RSPRY1: variants seen among roughly 807,000 people sequenced by gnomAD.
The protein encoded by RSPRY1 is ring finger and SPRY domain containing 1.
RSPRY1 carries 23 observed loss-of-function variants against 73.1 expected under a neutral mutation model. That is an observed-to-expected ratio of 0.31 (90% confidence interval 0.23 to 0.45). RSPRY1 has a LOEUF of 0.45. Among genes scored for constraint, RSPRY1 ranks in the 20% least tolerant of loss-of-function variants. RSPRY1 has a pLI of 1.00. For synonymous variants in RSPRY1, 226 were observed against 251.4 expected (o/e 0.90, Z 0.95); for missense variants, 448 against 698.7 (o/e 0.64, Z 4.05).
chr16:57,231,035 A>G, intron 12 of RSPRY1, 132 bp from the exon 13 acceptor site: 1 of 857,640 alleles, frequency 1.2e-6, no homozygotes, highest in South Asian at 1.7e-5. Flanking sequence ...TGGGTTATAA[A>G]CACAGTCTGT....
Position 57,220,137 on chromosome 16 carries a change from T to TG in RSPRY1, c.902-592dup, listed in dbSNP as rs1417442922. On this transcript the variant is annotated intron_variant, in intron 8 of 14. Transcript: ENST00000394420. Reference sequence around the variant, plus strand: ...CTGAGGGTCAGGTTTTTTGCTATTCTGGGTCTTTTGTAGTTCTGTATAAAT... The same window carrying TG: ...CTGAGGGTCAGGTTTTTTGCTATTCTGGGGTCTTTTGTAGTTCTGTATAAAT... 6 of 152,234 alleles carry TG rather than the reference T, an allele frequency of 3.9e-5. No homozygotes were observed. In the East Asian group the frequency reaches 1.2e-3, roughly 29 times the overall value. The allele number at this position is 152,234 out of a possible 1,614,324, so 9.4% of individuals were successfully genotyped here. A position where few individuals can be genotyped will look rare whatever the true frequency, so the allele number is the denominator to read the frequency against.
At chr16:57,227,558 T>C (rs539067495) in intron 11 of RSPRY1, 105 bp downstream of exon 11, 1 of 772,522 alleles carries the variant, frequency 1.3e-6, no homozygotes, top group South Asian at 1.5e-5. Context: ...GAAGATCAAA[T>C]GTGAAAAGGG....
chr16:57,197,253 A>G lies in RSPRY1; in HGVS notation c.-155-7251A>G, dbSNP rs557671932. Among the ~76,000 whole-genome samples, 3 of 152,300 alleles carry G rather than the reference A, an allele frequency of 2.0e-5. No homozygotes were observed. The South Asian group carries it at 6.2e-4, about 32-fold the overall frequency. ...AATACCATGAATGACAGCCATTTCC[A>G]GTTTAAAACCTATAGGTTTTCAGTG... is the stretch of plus-strand genomic sequence containing the variant. On this transcript the variant is annotated intron_variant, in intron 1 of 14. Transcript: ENST00000394420.
intron 1 of RSPRY1, among the ~76,000 whole-genome samples, chr16:57,204,235 T>C (rs1299676994): frequency 6.6e-6 from 1 of 152,114 alleles, no homozygotes; most frequent in Non-Finnish European, 1.5e-5. Context: ...AAACTATACA[T>C]GTGGTTTTAA....
At chr16:57,209,309 T>C (rs2074789221) in intron 4 of RSPRY1, 122 bp downstream of exon 4, 4 of 633,370 alleles carry the variant, frequency 6.3e-6, no homozygotes, top group Admixed American at 2.9e-5. Context: ...TTTTATTCAG[T>C]ATTGATTTTG....
Position 57,231,129 on chromosome 16 carries a change from A to T in RSPRY1, c.1377-38A>T, listed in dbSNP as rs1301817715. The T allele has an allele frequency of 2.5e-6, 4 of 1,580,194 alleles. No homozygotes were observed. The Admixed American group carries it at 5.5e-5, about 22-fold the overall frequency. On this transcript the variant is annotated intron_variant, in intron 12 of 14. Transcript: ENST00000394420. ...ATCTATTAACTCTATTTTGATTTTT[A>T]TTAATTCTATTGGCCTCTGTACTCA...
chr16:57,200,706 G>A (rs2074562778), intron 1 of RSPRY1, among the ~76,000 whole-genome samples: 1 of 136,138 alleles, frequency 7.3e-6, no homozygotes. Context: ...TGGCCGGGCA[G>A]AGGGGCTCCT....
Position 57,204,575 on chromosome 16 carries a change from A to G in RSPRY1, c.-84A>G, listed in dbSNP as rs546000445. ...AATAAGCTCTGCAACTTTCTTTGGCATTCAGTTGTTAAAAACAAATAGGAT... is the reference window on the plus strand; with the variant it reads ...AATAAGCTCTGCAACTTTCTTTGGCGTTCAGTTGTTAAAAACAAATAGGAT... On this transcript the variant is annotated 5_prime_UTR_variant, in exon 2 of 15. Coordinates refer to ENST00000394420, the MANE Select transcript of RSPRY1 (RefSeq NM_133368.3). 3 of 1,240,200 alleles carry G rather than the reference A, an allele frequency of 2.4e-6. No individual in the cohort carries two copies. The highest frequency in any genetic ancestry group is 1.3e-5 in the South Asian group (1 of 74,782). 76.8% of individuals were successfully genotyped at this position (1,240,200 alleles called of 1,614,324 possible).
intron 14 of RSPRY1, among the ~76,000 whole-genome samples, chr16:57,238,143 T>C (rs191037859): frequency 6.6e-6 from 1 of 152,206 alleles, no homozygotes; most frequent in East Asian, 1.9e-4. Context: ...ATGTAGAGCG[T>C]ATATGAAGAA....
At chr16:57,206,727 T>C (rs1216236324) in intron 2 of RSPRY1, among the ~76,000 whole-genome samples, 1 of 152,140 alleles carries the variant, frequency 6.6e-6, no homozygotes, top group Non-Finnish European at 1.5e-5. Context: ...TGCACCTGGC[T>C]AATTTTTAAA....
At chr16:57,234,541 G>A (rs761334880) in intron 13 of RSPRY1, among the ~76,000 whole-genome samples, 11 of 152,180 alleles carry the variant, frequency 7.2e-5, no homozygotes, top group Admixed American at 2.0e-4. Context: ...CAGTAAGCCC[G>A]TAAGTGAACT....
chr16:57,219,500 A>G (rs370148194), intron 8 of RSPRY1, among the ~76,000 whole-genome samples: 2 of 152,136 alleles, frequency 1.3e-5, no homozygotes, highest in South Asian at 4.1e-4. Context: ...CCACTTTTTA[A>G]TCAGATTATT....
At chr16:57,205,501 T>TA (rs1225502462) in intron 2 of RSPRY1, among the ~76,000 whole-genome samples, 1 of 152,244 alleles carries the variant, frequency 6.6e-6, no homozygotes, top group East Asian at 1.9e-4. Flanking sequence ...TGACTATCTT[T>TA]AATCCATTTA....
At chr16:57,222,966 G>A (rs2075062914) in intron 10 of RSPRY1, among the ~76,000 whole-genome samples, 1 of 151,948 alleles carries the variant, frequency 6.6e-6, no homozygotes, top group African/African-American at 2.4e-5. Flanking sequence ...GCAGACCTTT[G>A]GCTTGTCAAG....
intron 6 of RSPRY1, among the ~76,000 whole-genome samples, chr16:57,214,722 A>C (rs571197079): frequency 1.1e-4 from 17 of 152,364 alleles, no homozygotes; most frequent in Admixed American, 1.0e-3. Flanking sequence ...TCATGGGAGA[A>C]AGTACTTCAT....
chr16:57,239,038 A>AT lies in RSPRY1; in HGVS notation c.*63_*64insT. On this transcript the variant is annotated 3_prime_UTR_variant, in exon 15 of 15. Transcript: ENST00000394420. ...ATTCCAGCCAATGTTGAAAAGAAAA[A>AT]GAAAAAAAAAACTCTCTAATCAGTT... The AT allele has an allele frequency of 2.2e-6, 2 of 889,570 alleles. No homozygotes were observed. The highest frequency in any genetic ancestry group is 1.7e-5 in the African/African-American group (1 of 58,488). 55.1% of individuals were successfully genotyped at this position (889,570 alleles called of 1,614,324 possible).
intron 1 of RSPRY1, among the ~76,000 whole-genome samples, chr16:57,197,776 TG>T (rs1567485469): frequency 1.3e-5 from 2 of 152,220 alleles, no homozygotes; most frequent in Admixed American, 6.5e-5. Context: ...TAGGCTGGAA[TG>T]CAATGACACC....
intron 8 of RSPRY1, 148 bp from the exon 9 acceptor site, chr16:57,220,584 A>G: frequency 4.1e-6 from 2 of 484,228 alleles, no homozygotes; most frequent in Non-Finnish European, 7.5e-6. Flanking sequence ...AGATCATATT[A>G]TCCACAAACA....
chr16:57,215,271 G>T (rs1229242758), intron 6 of RSPRY1, among the ~76,000 whole-genome samples: 2 of 152,208 alleles, frequency 1.3e-5, no homozygotes, highest in Non-Finnish European at 2.9e-5. Context: ...GACACAGACT[G>T]AGTAGCCAGC....
Sources: allele counts gnomAD v4.1 joint callset (sites outside exome capture counted in the v4.1 genomes callset), GRCh38; gene constraint gnomAD v4.1.1; transcripts MANE v1.5; gene names NCBI Gene and HGNC (gene_info 2026-07-23, HGNC 2026-07-21).